MYO1B: variants seen among roughly 807,000 people sequenced by gnomAD.
The protein encoded by MYO1B is unconventional myosin-Ib.
A neutral mutation model predicts 159.7 loss-of-function variants in MYO1B; 72 were observed. The ratio of observed to expected loss-of-function variants is 0.45; its 90% CI spans 0.37 to 0.55. The LOEUF (loss-of-function observed/expected upper bound fraction) is 0.55, where lower values mean the gene tolerates loss of function less well. Among genes scored for constraint, MYO1B ranks in the 20% least tolerant of loss-of-function variants. The probability of loss-of-function intolerance (pLI) is 0.00; values close to 1 mark genes in which losing one functional copy is unlikely to be tolerated. For missense variants in MYO1B, 1,062 were observed against 1,364.8 expected, an observed-to-expected ratio of 0.78 and a Z score of 3.50; for synonymous variants, 468 against 473.8, an observed-to-expected ratio of 0.99 and a Z score of 0.16.
chr2:191,265,645 C>T (rs544062513), intron 1 of MYO1B, among the ~76,000 whole-genome samples: 15 of 152,182 alleles, frequency 9.9e-5, no homozygotes, highest in African/African-American at 3.1e-4. Flanking sequence ...TTAGGGGTTC[C>T]GGGGTCTCAG....
chr2:191,248,012 A>AGTGG, intron 1 of MYO1B: 1 of 985,424 alleles, frequency 1.0e-6, no homozygotes, highest in Non-Finnish European at 1.2e-6. Context: ...GAGTGAGGTG[A>AGTGG]GTGGGTGGTG....
chr2:191,268,559 A>G (rs186858579), intron 1 of MYO1B, among the ~76,000 whole-genome samples: 1 of 152,168 alleles, frequency 6.6e-6, no homozygotes, highest in African/African-American at 2.4e-5. Context: ...GTTGGGGGGT[A>G]TTTATGTCTG....
intron 20 of MYO1B, 64 bp from the exon 21 acceptor site, chr2:191,396,365 C>A (rs1273375623): frequency 6.5e-7 from 1 of 1,543,714 alleles, no homozygotes; most frequent in Admixed American, 1.7e-5. Context: ...TACCCTTTCT[C>A]AATCCTTGTA....
At chr2:191,378,292 T>G (rs1458402202) in intron 13 of MYO1B, among the ~76,000 whole-genome samples, 1 of 152,154 alleles carries the variant, frequency 6.6e-6, no homozygotes, top group Non-Finnish European at 1.5e-5. Context: ...CTTTTTTTCT[T>G]TTTTCTTTTT....
chr2:191,329,577 A>ATT (rs1320860768), intron 3 of MYO1B, among the ~76,000 whole-genome samples: 1 of 148,792 alleles, frequency 6.7e-6, no homozygotes, highest in Non-Finnish European at 1.5e-5. Context: ...GGGTTTATAA[A>ATT]TAAATAAATT....
chr2:191,397,371 A>G (rs1453297687), intron 21 of MYO1B, among the ~76,000 whole-genome samples: 10 of 145,856 alleles, frequency 6.9e-5, no homozygotes, highest in South Asian at 2.2e-4. Flanking sequence ...CTGGGTACTT[A>G]AGATTAGGGA....
intron 29 of MYO1B, 25 bp downstream of exon 29, chr2:191,414,694 G>A: frequency 1.3e-6 from 2 of 1,588,118 alleles, no homozygotes; most frequent in Admixed American, 3.7e-5. Context: ...GAAGATTTCT[G>A]TGCTTAATCT....
At chr2:191,403,919 G>T (rs747841527) in intron 24 of MYO1B, among the ~76,000 whole-genome samples, 3 of 152,072 alleles carry the variant, frequency 2.0e-5, no homozygotes, top group African/African-American at 7.2e-5. Flanking sequence ...TGCATTAGGG[G>T]TGTACACTAG....
rs138183662 is a variant in MYO1B, at chr2:191,266,350, G to A, written c.-9-10537G>A. On this transcript the variant is annotated intron_variant, in intron 1 of 30. Coordinates refer to ENST00000392318, the MANE Select transcript of MYO1B (RefSeq NM_001130158.3). ...GTGGAATAGATATTGTCATCCCTGA[G>A]TTTTTAGATTAGAAATTTGAATTCC... Among the ~76,000 whole-genome samples, 294 of 152,312 alleles carry A rather than the reference G, an allele frequency of 1.9e-3. 1 individual carries two copies. The highest frequency in any genetic ancestry group is 6.8e-3 in the African/African-American group (283 of 41,572).
intron 7 of MYO1B, among the ~76,000 whole-genome samples, chr2:191,350,916 C>T (rs1166539805): frequency 6.6e-6 from 1 of 152,040 alleles, no homozygotes; most frequent in African/African-American, 2.4e-5. Context: ...TTCAGTGTCT[C>T]TTGTAAAAAT....
rs1328032498 is a variant in MYO1B, at chr2:191,424,246, A to G, written c.*286A>G. 1 of 339,592 alleles carries G rather than the reference A, an allele frequency of 2.9e-6. No homozygotes were observed. The highest frequency in any genetic ancestry group is 5.0e-5 in the East Asian group (1 of 19,916). The allele number at this position is 339,592 out of a possible 1,614,324, so 21.0% of individuals were successfully genotyped here. A position where few individuals can be genotyped will look rare whatever the true frequency, so the allele number is the denominator to read the frequency against. ...TTAGGTCTGTGTACCCTAAATCAGC[A>G]TATTACTCATAAATCATTAATTAAT... is the stretch of plus-strand genomic sequence containing the variant. On this transcript the variant is annotated 3_prime_UTR_variant, in exon 31 of 31. Coordinates refer to ENST00000392318, the MANE Select transcript of MYO1B (RefSeq NM_001130158.3).
chr2:191,329,084 G>A (rs983120685), intron 3 of MYO1B, among the ~76,000 whole-genome samples: 1 of 152,156 alleles, frequency 6.6e-6, no homozygotes, highest in Non-Finnish European at 1.5e-5. Context: ...AATAAATGAA[G>A]TGAGGACTTT....
chr2:191,381,773 G>C, intron 14 of MYO1B, among the ~76,000 whole-genome samples: 1 of 152,192 alleles, frequency 6.6e-6, no homozygotes, highest in East Asian at 1.9e-4. Flanking sequence ...GATAGGAGTT[G>C]TGAGAGGGTT....
chr2:191,405,178 A>G (rs909667482), intron 24 of MYO1B, among the ~76,000 whole-genome samples: 1 of 152,208 alleles, frequency 6.6e-6, no homozygotes, highest in Non-Finnish European at 1.5e-5. Flanking sequence ...ATCTCAGGAA[A>G]CTACTTTATT....
chr2:191,395,173 A>C (rs1369197347), intron 20 of MYO1B, among the ~76,000 whole-genome samples: 2 of 152,234 alleles, frequency 1.3e-5, no homozygotes, highest in Non-Finnish European at 2.9e-5. Context: ...AGAGGTACCA[A>C]ATGCGTGTCA....
intron 13 of MYO1B, among the ~76,000 whole-genome samples, chr2:191,378,468 C>A (rs1330312847): frequency 2.0e-5 from 3 of 151,932 alleles, no homozygotes; most frequent in Non-Finnish European, 4.4e-5. Flanking sequence ...CACAAAGAAC[C>A]TTCTTAAGGG....
chr2:191,343,075 G>T (rs777442833), intron 5 of MYO1B, among the ~76,000 whole-genome samples: 1 of 152,108 alleles, frequency 6.6e-6, no homozygotes, highest in South Asian at 2.1e-4. Flanking sequence ...TCTGACCTCT[G>T]TTAGCTGCCA....
intron 30 of MYO1B, among the ~76,000 whole-genome samples, chr2:191,421,863 A>T (rs1697962407): frequency 6.6e-6 from 1 of 152,224 alleles, no homozygotes; most frequent in African/African-American, 2.4e-5. Flanking sequence ...TTTTTTTGAG[A>T]CACATACATA....
chr2:191,396,986 G>C (rs1427970098), intron 21 of MYO1B, among the ~76,000 whole-genome samples: 2 of 152,118 alleles, frequency 1.3e-5, no homozygotes, highest in African/African-American at 4.8e-5. Flanking sequence ...GGTCCTTGCT[G>C]CCAAGGCTTG....
Sources: gnomAD v4.1 joint callset for allele counts (sites outside exome capture counted in the v4.1 genomes callset) on GRCh38, gnomAD v4.1.1 for gene constraint, MANE v1.5 for transcripts, NCBI Gene and HGNC (gene_info 2026-07-23, HGNC 2026-07-21) for gene names.